Variants in SASH1 observed in about 807,000 individuals in gnomAD.
SASH1 encodes the protein SAM and SH3 domain containing 1.
Under a neutral mutation model 125.2 loss-of-function variants are expected in SASH1, and 44 were observed. The observed-to-expected ratio is 0.35, with a 90% confidence interval of 0.28 to 0.45. The LOEUF is 0.45. SASH1 is among the 20% of genes least tolerant of loss of function. The pLI, the probability that SASH1 is intolerant of heterozygous loss-of-function variation, is 1.00. For missense variants in SASH1, 1,426 were observed against 1,614.5 expected, an observed-to-expected ratio of 0.88 and a Z score of 2.00; for synonymous variants, 639 against 649.1, an observed-to-expected ratio of 0.98 and a Z score of 0.24.
At chr6:148,270,019 A>G (rs550563188), upstream of SASH1, among the ~76,000 whole-genome samples, 1 of 114,198 alleles carries the variant, frequency 8.8e-6, no homozygotes, top group East Asian at 2.3e-4. Context: ...ACCGATATAC[A>G]CTGATGTTAT....
chr6:148,514,228 G>A (rs571436932), intron 8 of SASH1, 96 bp from the exon 9 acceptor site: 76 of 1,506,270 alleles, frequency 5.0e-5, no homozygotes, highest in South Asian at 5.5e-5. Flanking sequence ...CAGAGCTGCC[G>A]AGGTTCAGAC....
rs1782375539 is a variant in SASH1 at position 148,543,875 on chromosome 6, C to T, written c.2405C>T (p.Pro802Leu). The change falls in exon 18 of 20, where the codon CCT (proline) becomes CTT (leucine). Residue 802 changes from proline to leucine, a missense_variant. Pro to Leu is a moderately conservative substitution (Grantham distance 98). Coordinates refer to ENST00000367467, the MANE Select transcript of SASH1 (RefSeq NM_015278.5). ...APDTSKSCDP[P>L]GVTGLNKNRR... ...GACACGTCCAAGAGCTGTGACCCAC[C>T]TGGTGTGACTGGTTTGAATAAAAAC... 1 of 1,614,194 alleles carries T rather than the reference C, an allele frequency of 6.2e-7. No individual in the cohort carries two copies. The highest frequency in any genetic ancestry group is 2.2e-5 in the East Asian group (1 of 44,884).
chr6:148,424,010 GA>G (rs35537957), intron 2 of SASH1, among the ~76,000 whole-genome samples: 234 of 135,710 alleles, frequency 1.7e-3, no homozygotes, highest in Middle Eastern at 3.8e-3. Flanking sequence ...AGTTTCTGAA[GA>G]AAAAAAAAAA....
chr6:148,277,568 A>T (rs923669847), intron 1 of SASH1, among the ~76,000 whole-genome samples: 3 of 152,222 alleles, frequency 2.0e-5, no homozygotes, highest in African/African-American at 7.2e-5. Context: ...TGTCCAGGAA[A>T]TTCTACAAAA....
At chr6:148,467,538 G>A (rs1443056057) in intron 4 of SASH1, among the ~76,000 whole-genome samples, 2 of 152,118 alleles carry the variant, frequency 1.3e-5, no homozygotes, top group African/African-American at 2.4e-5. Context: ...TGTTGGGGTG[G>A]GAGGCAAATT....
At chr6:148,396,200 C>A (rs564748986) in intron 2 of SASH1, among the ~76,000 whole-genome samples, 5 of 151,980 alleles carry the variant, frequency 3.3e-5, no homozygotes, top group African/African-American at 1.2e-4. Context: ...CATTGCTGGA[C>A]GGGTGCAGTG....
At chr6:148,331,189 T>C (rs1780986975) in intron 1 of SASH1, among the ~76,000 whole-genome samples, 2 of 152,346 alleles carry the variant, frequency 1.3e-5, no homozygotes, top group East Asian at 1.9e-4. Context: ...GTCTATAATG[T>C]GTTACCAAAT....
At chr6:148,432,895 G>A (rs562728274) in intron 2 of SASH1, among the ~76,000 whole-genome samples, 1 of 152,326 alleles carries the variant, frequency 6.6e-6, no homozygotes, top group South Asian at 2.1e-4. Flanking sequence ...AAGCCAGAAT[G>A]TCATCATTTA....
At chr6:148,443,285 G>C (rs1362477822) in intron 4 of SASH1, among the ~76,000 whole-genome samples, 3 of 150,888 alleles carry the variant, frequency 2.0e-5, no homozygotes, top group Admixed American at 6.6e-5. Flanking sequence ...GGGTTTATTT[G>C]TTTTTGTGTT....
chr6:148,513,978 G>A, intron 8 of SASH1: 1 of 1,006,616 alleles, frequency 9.9e-7, no homozygotes, highest in Non-Finnish European at 1.2e-6. Context: ...CCACAGCAGT[G>A]AAACTGGAAT....
At position 148,513,943 on chromosome 6, in the gene SASH1, CAG is replaced by C. The variant is rs565939014; in HGVS notation, c.730-379_730-378del. 1.9e-5 allele frequency: 19 copies of C among 992,646 alleles called. No homozygotes were observed. The East Asian group carries it at 2.0e-3, about 103-fold the overall frequency. The allele number at this position is 992,646 out of a possible 1,614,324, so 61.5% of individuals were successfully genotyped here. ...CGTTAAACAGCAAGCCCTGATGGGCCAGACAGATGAGAGCCTGGCCCAAACCA... is the reference window on the plus strand; with the variant it reads ...CGTTAAACAGCAAGCCCTGATGGGCCACAGATGAGAGCCTGGCCCAAACCA... On this transcript the variant is annotated intron_variant, in intron 8 of 19. Coordinates refer to ENST00000367467, the MANE Select transcript of SASH1 (RefSeq NM_015278.5).
At chr6:148,368,398 G>A (rs1302086455) in intron 1 of SASH1, among the ~76,000 whole-genome samples, 4 of 152,180 alleles carry the variant, frequency 2.6e-5, no homozygotes, top group South Asian at 2.1e-4. Flanking sequence ...AGCCCCCTGA[G>A]TAGCTGGGAT....
chr6:148,280,072 TC>T (rs1293440197), intron 1 of SASH1, among the ~76,000 whole-genome samples: 17 of 67,016 alleles, frequency 2.5e-4, no homozygotes, highest in African/African-American at 9.6e-4. Flanking sequence ...CCCCCATCAT[TC>T]CCCCCCGACA....
intron 1 of SASH1, among the ~76,000 whole-genome samples, chr6:148,365,754 C>T (rs566266051): frequency 6.6e-6 from 1 of 151,578 alleles, no homozygotes; most frequent in Non-Finnish European, 1.5e-5. Context: ...GTGGGTGGAT[C>T]GTTGAGCTCA....
At chr6:148,218,624 G>A in the SASH1 span, among the ~76,000 whole-genome samples, 2 of 152,166 alleles carry the variant, frequency 1.3e-5, no homozygotes, top group Non-Finnish European at 2.9e-5. Context: ...CTGGTGCTGG[G>A]ACCTTGGAGG....
chr6:148,312,281 T>A (rs1303036586), intron 1 of SASH1, among the ~76,000 whole-genome samples: 2 of 152,168 alleles, frequency 1.3e-5, no homozygotes, highest in East Asian at 3.8e-4. Flanking sequence ...AGTGTGTAAA[T>A]TATACCTCCA....
At chr6:148,462,027 A>G (rs1777632569) in intron 4 of SASH1, among the ~76,000 whole-genome samples, 2 of 150,270 alleles carry the variant, frequency 1.3e-5, no homozygotes, top group Admixed American at 1.3e-4. Context: ...CAGATGTGTC[A>G]GGCTTTTTTT....
At chr6:148,194,117 G>A in the SASH1 span, among the ~76,000 whole-genome samples, 291 of 152,222 alleles carry the variant, frequency 1.9e-3, no homozygotes, top group Middle Eastern at 3.4e-3. Context: ...GAACATATTC[G>A]TACCTGCCAT....
chr6:148,508,914 T>A, intron 8 of SASH1: 7 of 1,055,256 alleles, frequency 6.6e-6, no homozygotes, highest in African/African-American at 1.6e-5. Context: ...AAAGAAAGAA[T>A]GTGTTTTCTG....
Sources: allele counts gnomAD v4.1 joint callset (sites outside exome capture counted in the v4.1 genomes callset), GRCh38; gene constraint gnomAD v4.1.1; transcripts MANE v1.5; gene names NCBI Gene and HGNC (gene_info 2026-07-23, HGNC 2026-07-21).